Variants in SOX6 observed in about 807,000 individuals in gnomAD.
SOX6 encodes SRY-box transcription factor 6, also known as transcription factor SOX-6.
Under a neutral mutation model 97.8 loss-of-function variants are expected in SOX6, and 11 were observed. The observed-to-expected ratio is 0.11, with a 90% confidence interval of 0.07 to 0.19. The LOEUF (loss-of-function observed/expected upper bound fraction) is 0.19. Ranked by LOEUF, SOX6 falls within the 10% of genes least tolerant of loss-of-function variation. The pLI is 1.00. For missense variants in SOX6, 810 were observed against 1,039.5 expected, an observed-to-expected ratio of 0.78 and a Z score of 3.04; for synonymous variants, 360 against 371.4, an observed-to-expected ratio of 0.97 and a Z score of 0.35.
rs545605034 is a variant in SOX6, at chr11:16,077,997, T to C, written c.1101+17999A>G. Among the ~76,000 whole-genome samples the C allele has an allele frequency of 9.8e-5, 15 of 152,342 alleles. No homozygotes were observed. The South Asian group carries it at 3.1e-3, about 32-fold the overall frequency. The stretch of plus-strand genomic sequence containing the variant: ...CTCTCTCTGCTTTTTCCAAGTATTT[T>C]TTCTTTCAGGGTGCTAAATAAAATA... On this transcript the variant is annotated intron_variant, in intron 9 of 15. Coordinates refer to ENST00000683767, the MANE Select transcript of SOX6 (RefSeq NM_001367873.1).
At chr11:16,132,300 AAGG>A (rs1324601767) in intron 6 of SOX6, among the ~76,000 whole-genome samples, 1 of 126,708 alleles carries the variant, frequency 7.9e-6, no homozygotes, top group Non-Finnish European at 1.6e-5. Context: ...GGAAGGAAGG[AAGG>A]AAGGAAGGAA....
intron 3 of SOX6, among the ~76,000 whole-genome samples, chr11:16,638,175 G>C (rs1161096210): frequency 6.6e-6 from 1 of 150,896 alleles, no homozygotes; most frequent in Non-Finnish European, 1.5e-5. Flanking sequence ...TTGTCCTTGC[G>C]ATAGTTTGCT....
At chr11:16,418,603 A>C (rs559129412) in intron 1 of SOX6, among the ~76,000 whole-genome samples, 130 of 152,090 alleles carry the variant, frequency 8.5e-4, no homozygotes, top group Non-Finnish European at 1.7e-3. Context: ...CATATTCCTA[A>C]CAGCATTCAA....
chr11:16,716,425 T>G (rs1452823834), intron 2 of SOX6, among the ~76,000 whole-genome samples: 1 of 152,170 alleles, frequency 6.6e-6, no homozygotes, highest in Non-Finnish European at 1.5e-5. Context: ...TCAGTATCCA[T>G]GTATCATTTT....
rs138200240 is a variant in SOX6, at chr11:16,306,172, G to C, written c.445+12274C>G. On this transcript the variant is annotated intron_variant, in intron 3 of 15. Transcript: ENST00000683767. Reference sequence around the variant, plus strand: ...TGAATTGTTTCAATGTCAATAACCTGGTTGTGCTATTATACAACAGTTTTC... The same window carrying C: ...TGAATTGTTTCAATGTCAATAACCTCGTTGTGCTATTATACAACAGTTTTC... 4.3e-3 allele frequency among the ~76,000 whole-genome samples: 662 copies of C among 152,246 alleles called. 3 individuals carry two copies. The highest frequency in any genetic ancestry group is 0.031 in the Middle Eastern group (9 of 294).
At chr11:16,291,363 G>GAATGAATAAATAAATAAATA (rs1554954087) in intron 3 of SOX6, among the ~76,000 whole-genome samples, 3 of 148,040 alleles carry the variant, frequency 2.0e-5, no homozygotes, top group Non-Finnish European at 3.0e-5. Context: ...TATAATGAAT[G>GAATGAATAAATAAATAAATA]AATAAATAAA....
intron 3 of SOX6, among the ~76,000 whole-genome samples, chr11:16,255,121 CA>C (rs1344839773): frequency 6.6e-6 from 1 of 151,832 alleles, no homozygotes; most frequent in African/African-American, 2.4e-5. Flanking sequence ...ATATATGAGG[CA>C]AAAACTGCCA....
Position 16,139,048 on chromosome 11 carries a change from G to T in SOX6, c.778-27125C>A, listed in dbSNP as rs2351680. On this transcript the variant is annotated intron_variant, in intron 6 of 15. Transcript: ENST00000683767. ...AATGTTTCCTTATGATTAGATTCAG[G>T]TAATACATTTTTGTCAGACATATCA... 8.6e-3 allele frequency among the ~76,000 whole-genome samples: 1,316 copies of T among 152,236 alleles called. 22 individuals carry two copies. The highest frequency in any genetic ancestry group is 0.03 in the African/African-American group (1,232 of 41,540).
intron 4 of SOX6, among the ~76,000 whole-genome samples, chr11:16,500,749 C>T (rs985388971): frequency 8.5e-5 from 13 of 152,194 alleles, no homozygotes; most frequent in South Asian, 2.1e-4. Context: ...ATCCAACTCA[C>T]GAGGGATGTG....
At chr11:16,172,072 A>AC (rs899800671) in intron 6 of SOX6, among the ~76,000 whole-genome samples, 6 of 151,152 alleles carry the variant, frequency 4.0e-5, no homozygotes, top group African/African-American at 1.5e-4. Context: ...GCCTGAACCC[A>AC]CCCCCGACAC....
chr11:16,041,259 C>T (rs1855653338), intron 12 of SOX6, among the ~76,000 whole-genome samples: 1 of 152,100 alleles, frequency 6.6e-6, no homozygotes, highest in African/African-American at 2.4e-5. Flanking sequence ...TACTGCTGTA[C>T]AGCTATATTG....
intron 3 of SOX6, among the ~76,000 whole-genome samples, chr11:16,253,365 T>C (rs1853575816): frequency 6.6e-6 from 1 of 150,666 alleles, no homozygotes; most frequent in African/African-American, 2.4e-5. Flanking sequence ...AAAAAGAAAC[T>C]GAACAAGCAT....
At chr11:15,986,510 T>G in intron 14 of SOX6, 90 bp from the exon 15 acceptor site, 1 of 1,256,334 alleles carries the variant, frequency 8.0e-7, no homozygotes, top group Non-Finnish European at 1.1e-6. Context: ...ATCACTTCAC[T>G]CATCTGTGCG....
Position 16,055,868 on chromosome 11 carries a change from C to A in SOX6, c.1135G>T (p.Val379Leu), listed in dbSNP as rs36071533. 5 of 1,613,718 alleles carry A rather than the reference C, an allele frequency of 3.1e-6. No homozygotes were observed. The Admixed American group carries it at 6.7e-5, about 22-fold the overall frequency. ...LYAAQLASMQ[V>L]SPGAKMPSTP... ...GATGGCATCTTTGCTCCAGGTGACACCTGCATGCTGGCCAGCTGAGCGGCA... is the reference window on the plus strand; with the variant it reads ...GATGGCATCTTTGCTCCAGGTGACAACTGCATGCTGGCCAGCTGAGCGGCA... The change falls in exon 10 of 16, where the codon GTG becomes TTG. Residue 379 changes from valine to leucine, a missense_variant. By Grantham distance (32) the Val-to-Leu change is conservative. Coordinates refer to ENST00000683767, the MANE Select transcript of SOX6 (RefSeq NM_001367873.1).
intron 6 of SOX6, among the ~76,000 whole-genome samples, chr11:16,157,946 T>C (rs1261980517): frequency 1.3e-5 from 2 of 151,988 alleles, no homozygotes; most frequent in African/African-American, 2.4e-5. Flanking sequence ...TTAAATGCTC[T>C]TCCTCTGCAC....
At chr11:16,618,632 T>C (rs1408388087) in intron 3 of SOX6, among the ~76,000 whole-genome samples, 1 of 151,942 alleles carries the variant, frequency 6.6e-6, no homozygotes, top group Non-Finnish European at 1.5e-5. Context: ...CTGTTTCGTA[T>C]GCGGTCTTAA....
intron 3 of SOX6, among the ~76,000 whole-genome samples, chr11:16,280,539 C>A (rs1295572579): frequency 2.0e-5 from 3 of 152,162 alleles, no homozygotes; most frequent in Middle Eastern, 3.4e-3. Context: ...CTGTCAGAAG[C>A]ACTCATAAGC....
At chr11:16,062,454 A>G (rs1286798356) in intron 9 of SOX6, among the ~76,000 whole-genome samples, 1 of 151,694 alleles carries the variant, frequency 6.6e-6, no homozygotes, top group Non-Finnish European at 1.5e-5. Context: ...AATAATGAAT[A>G]TTCATTTCTA....
intron 3 of SOX6, among the ~76,000 whole-genome samples, chr11:16,684,961 G>A (rs1481542456): frequency 1.3e-5 from 2 of 152,034 alleles, no homozygotes; most frequent in Admixed American, 6.6e-5. Context: ...GCGAGAATGG[G>A]AGCAAGAGGT....
Sources: gnomAD v4.1 joint callset for allele counts (sites outside exome capture counted in the v4.1 genomes callset) on GRCh38, gnomAD v4.1.1 for gene constraint, MANE v1.5 for transcripts, NCBI Gene and HGNC (gene_info 2026-07-23, HGNC 2026-07-21) for gene names.